Variants in BCAS3 observed in about 807,000 individuals in gnomAD.
BCAS3 encodes BCAS4/BCAS3 fusion.
BCAS3 carries 53 observed loss-of-function variants against 116.1 expected under a neutral mutation model. The ratio of observed to expected loss-of-function variants is 0.46; its 90% CI spans 0.37 to 0.57. The LOEUF is 0.57. Ranked by LOEUF, BCAS3 falls within the 20% of genes least tolerant of loss-of-function variation. The pLI is 0.00. For synonymous variants in BCAS3, 391 were observed against 408.2 expected, an observed-to-expected ratio of 0.96 and a Z score of 0.51; for missense variants, 917 against 1,165.4, an observed-to-expected ratio of 0.79 and a Z score of 3.10.
intron 15 of BCAS3, among the ~76,000 whole-genome samples, chr17:61,001,625 TA>T (rs199541949): frequency 0.01 from 1,552 of 152,218 alleles, 32 homozygotes; most frequent in African/African-American, 0.036. Flanking sequence ...TGACATAGAG[TA>T]TATAAATAGT....
rs564214816 is a variant in BCAS3 at position 61,215,769 on chromosome 17, G to A, written c.2425+131205G>A. 1.3e-5 allele frequency among the ~76,000 whole-genome samples: 2 copies of A among 152,260 alleles called. No homozygotes were observed. The highest frequency in any genetic ancestry group is 3.9e-4 in the East Asian group (2 of 5,186). On this transcript the variant is annotated intron_variant, in intron 22 of 23. Transcript: ENST00000407086. The surrounding 1 kb of genome is among the most constrained non-coding windows in gnomAD (Gnocchi z 4.8). ...AACACTAACGTCTCTTAGTGCAGTAGTTCTCAACCTTGACTATATATTAGA... is the reference window on the plus strand; with the variant it reads ...AACACTAACGTCTCTTAGTGCAGTAATTCTCAACCTTGACTATATATTAGA...
chr17:60,887,868 A>G (rs899711978), intron 9 of BCAS3, among the ~76,000 whole-genome samples: 2 of 152,214 alleles, frequency 1.3e-5, no homozygotes, highest in African/African-American at 4.8e-5. Flanking sequence ...TTACTTTTTT[A>G]GTAATGGACA....
At chr17:60,832,788 AGT>A (rs1217241604) in intron 7 of BCAS3, among the ~76,000 whole-genome samples, 1 of 152,208 alleles carries the variant, frequency 6.6e-6, no homozygotes, top group Admixed American at 6.5e-5. Flanking sequence ...TCCTGGAAAA[AGT>A]GGGAATTTCC....
intron 22 of BCAS3, among the ~76,000 whole-genome samples, chr17:61,147,056 A>G (rs1306095176): frequency 6.6e-6 from 1 of 151,672 alleles, no homozygotes; most frequent in Non-Finnish European, 1.5e-5. Context: ...TTGGGACTAT[A>G]GGCACACACC....
chr17:60,915,775 T>G (rs111655590), intron 12 of BCAS3, among the ~76,000 whole-genome samples: 1 of 151,420 alleles, frequency 6.6e-6, no homozygotes, highest in Admixed American at 6.6e-5. Flanking sequence ...CTCTGCCTCC[T>G]GGGTTCATGC....
chr17:60,778,288 T>A (rs1002144066), intron 6 of BCAS3, among the ~76,000 whole-genome samples: 1 of 152,116 alleles, frequency 6.6e-6, no homozygotes, highest in African/African-American at 2.4e-5. Flanking sequence ...CCTGTTTATA[T>A]CTCTCTGCCC....
chr17:60,888,286 T>C (rs576529347), intron 9 of BCAS3, among the ~76,000 whole-genome samples: 1 of 152,240 alleles, frequency 6.6e-6, no homozygotes, highest in Non-Finnish European at 1.5e-5. Context: ...TTTGTGAGGT[T>C]AAAGTGGTTA....
intron 12 of BCAS3, among the ~76,000 whole-genome samples, chr17:60,921,423 C>T (rs7224797): frequency 0.04 from 6,055 of 151,922 alleles, 457 homozygotes; most frequent in African/African-American, 0.14. Flanking sequence ...ACCATCCCGG[C>T]TAAAACGGTG....
rs2048376498 is a variant in BCAS3, at chr17:61,251,611, T to C, written c.2426-116716T>C. ...AAAAGAAAGACTGGATCCTGGTCCA[T>C]CCAAGATGCTGCCCTTGAGACCTCT... On this transcript the variant is annotated intron_variant, in intron 22 of 23. Transcript: ENST00000407086. This position sits in a 1 kb window ranked among gnomAD's most constrained non-coding sequence, Gnocchi z 4.7. 6.6e-6 allele frequency among the ~76,000 whole-genome samples: 1 copy of C among 151,264 alleles called. No individual in the cohort carries two copies. Among genetic ancestry groups the C allele is most frequent in the African/African-American group, 2.4e-5 (1 of 41,220 alleles).
rs2057483415 is a variant in BCAS3 at position 61,346,018 on chromosome 17, G to C, written c.2426-22309G>C. On this transcript the variant is annotated intron_variant, in intron 22 of 23. Transcript: ENST00000407086. This position sits in a 1 kb window ranked among gnomAD's most constrained non-coding sequence, Gnocchi z 5.4. ...GTTGGTGTGCGGACTGGAGGTCAGT[G>C]AATTTAAGGCCAAAGGTGTTGGCTT... Among the ~76,000 whole-genome samples the C allele has an allele frequency of 6.6e-6, 1 of 152,196 alleles. No homozygotes were observed. Among genetic ancestry groups the C allele is most frequent in the Non-Finnish European group, 1.5e-5 (1 of 68,038 alleles).
chr17:61,316,508 G>A lies in BCAS3; in HGVS notation c.2426-51819G>A, dbSNP rs1174744723. 6.6e-6 allele frequency among the ~76,000 whole-genome samples: 1 copy of A among 151,982 alleles called. No individual in the cohort carries two copies. Among genetic ancestry groups the A allele is most frequent in the Non-Finnish European group, 1.5e-5 (1 of 68,012 alleles). On this transcript the variant is annotated intron_variant, in intron 22 of 23. Transcript: ENST00000407086. This position sits in a 1 kb window ranked among gnomAD's most constrained non-coding sequence, Gnocchi z 5.8. The stretch of plus-strand genomic sequence containing the variant: ...ACCCAGCACCTCTGCCCTCCTATTT[G>A]CCTCCACATGCCGCCGCGTCCCTTC...
At chr17:60,689,503 G>T (rs2034531064) in intron 3 of BCAS3, among the ~76,000 whole-genome samples, 183 bp from the exon 4 acceptor site, 1 of 152,172 alleles carries the variant, frequency 6.6e-6, no homozygotes, top group South Asian at 2.1e-4. Context: ...TTTGACCAAG[G>T]TTATGAGACT....
chr17:61,071,887 G>A (rs529753008), intron 19 of BCAS3, among the ~76,000 whole-genome samples: 27 of 152,054 alleles, frequency 1.8e-4, no homozygotes, highest in Non-Finnish European at 3.5e-4. Flanking sequence ...CTAATTATAA[G>A]CTTTTCCTGT....
chr17:60,904,336 G>A (rs1163278946), intron 11 of BCAS3, among the ~76,000 whole-genome samples: 3 of 151,884 alleles, frequency 2.0e-5, no homozygotes, highest in Non-Finnish European at 4.4e-5. Context: ...CCCAGGAGGC[G>A]GAGGTTTCAG....
At chr17:61,236,215 T>C (rs2083045395) in intron 22 of BCAS3, among the ~76,000 whole-genome samples, 1 of 152,238 alleles carries the variant, frequency 6.6e-6, no homozygotes, top group Non-Finnish European at 1.5e-5. Context: ...CATGAGGCAG[T>C]GGCATTTTCG....
At chr17:61,183,413 C>A (rs2144184436) in intron 22 of BCAS3, among the ~76,000 whole-genome samples, 1 of 151,906 alleles carries the variant, frequency 6.6e-6, no homozygotes, top group South Asian at 2.1e-4. Context: ...TAATTATATT[C>A]AATGTAATAT....
intron 20 of BCAS3, among the ~76,000 whole-genome samples, chr17:61,076,603 A>T (rs1442372970): frequency 6.6e-6 from 1 of 152,204 alleles, no homozygotes; most frequent in Non-Finnish European, 1.5e-5. Flanking sequence ...TTTCAATTAG[A>T]AAAAGGGGTA....
intron 22 of BCAS3, among the ~76,000 whole-genome samples, chr17:61,125,387 T>C (rs1244688802): frequency 6.6e-6 from 1 of 152,194 alleles, no homozygotes; most frequent in Admixed American, 6.5e-5. Flanking sequence ...ATTGCTTCAA[T>C]GACATATTTG....
rs1356058241 is a variant in BCAS3, at chr17:61,243,173, G to A, written c.2426-125154G>A. Reference sequence around the variant, plus strand: ...GATCCGCCCGCCACGGCCTCCCAAAGTGCTGGGATTACAGGCATGAGCCAC... The same window carrying A: ...GATCCGCCCGCCACGGCCTCCCAAAATGCTGGGATTACAGGCATGAGCCAC... On this transcript the variant is annotated intron_variant, in intron 22 of 23. Coordinates refer to ENST00000407086, the MANE Select transcript of BCAS3 (RefSeq NM_017679.5). The surrounding 1 kb of genome is among the most constrained non-coding windows in gnomAD (Gnocchi z 5.6). 6.6e-6 allele frequency among the ~76,000 whole-genome samples: 1 copy of A among 152,176 alleles called. No homozygotes were observed. Among genetic ancestry groups the A allele is most frequent in the Non-Finnish European group, 1.5e-5 (1 of 68,018 alleles).
Sources: allele counts gnomAD v4.1 joint callset (sites outside exome capture counted in the v4.1 genomes callset), GRCh38; gene constraint gnomAD v4.1.1; non-coding constraint Gnocchi (gnomAD v3.1); transcripts MANE v1.5; gene names NCBI Gene and HGNC (gene_info 2026-07-23, HGNC 2026-07-21).